The following ZFHX2 variants were observed in gnomAD, a reference collection of about 807,000 sequenced individuals.
The protein encoded by ZFHX2 is zinc finger homeobox protein 2.
Under a neutral mutation model 164.8 loss-of-function variants are expected in ZFHX2, and 75 were observed. The ratio of observed to expected loss-of-function variants is 0.46; its 90% confidence interval spans 0.38 to 0.55. The LOEUF (loss-of-function observed/expected upper bound fraction) is 0.55, where lower values mean the gene tolerates loss of function less well. Among genes scored for constraint, ZFHX2 ranks in the 20% least tolerant of loss-of-function variants. ZFHX2 has a pLI of 0.00. For missense variants in ZFHX2, 2,933 were observed against 3,308.0 expected (o/e 0.89, Z 2.78); for synonymous variants, 1,217 against 1,351.4 (o/e 0.90, Z 2.18).
Position 23,523,918 on chromosome 14 carries a change from C to G in ZFHX2, c.6024G>C (p.Glu2008Asp), listed in dbSNP as rs1279485774. 2 of 1,536,226 alleles carry G rather than the reference C, an allele frequency of 1.3e-6. No individual in the cohort carries two copies. The highest frequency in any genetic ancestry group is 8.7e-7 in the Non-Finnish European group (1 of 1,146,900). ...LLPPPPPSEE[E>D]GPEEPPKASP... ...AAGCTTTAGGTGGTTCCTCTGGGCC[C>G]TCTTCCTCACTGGGTGGAGGGGGAG... The change falls in exon 9 of 10, where the codon GAG becomes GAC. Residue 2008 changes from glutamate (E) to aspartate (D), a missense_variant. Coordinates refer to ENST00000419474, the MANE Select transcript of ZFHX2 (RefSeq NM_033400.3). This position sits in a 1 kb window ranked among gnomAD's most constrained non-coding sequence, Gnocchi z 4.1.
intron 7 of ZFHX2, 45 bp from the exon 8 acceptor site, chr14:23,527,018 G>T (rs367932494): frequency 6.8e-7 from 1 of 1,461,892 alleles, no homozygotes; most frequent in African/African-American, 1.4e-5. Flanking sequence ...ACCCCCCACT[G>T]CCCCTATGCC....
intron 6 of ZFHX2, chr14:23,528,480 G>T: frequency 1.8e-6 from 1 of 545,844 alleles, no homozygotes. Context: ...CCCCCACCTT[G>T]GATTTAGTTT....
intron 6 of ZFHX2, 112 bp downstream of exon 6, chr14:23,529,598 C>T: frequency 7.3e-6 from 8 of 1,100,002 alleles, no homozygotes; most frequent in Non-Finnish European, 1.1e-5. Flanking sequence ...CTGTGCTATT[C>T]TGAGTGAAAT....
intron 1 of ZFHX2, among the ~76,000 whole-genome samples, chr14:23,545,827 G>C (rs529850453): frequency 6.6e-6 from 1 of 152,344 alleles, no homozygotes; most frequent in South Asian, 2.1e-4. Context: ...ACAGAGGCTT[G>C]AGATTAGGGA....
At chr14:23,527,552 G>A in intron 7 of ZFHX2, 52 bp downstream of exon 7, 1 of 1,531,006 alleles carries the variant, frequency 6.5e-7, no homozygotes, top group Non-Finnish European at 8.8e-7. Context: ...CTCCCCTCCT[G>A]CACAGCCCTA....
chr14:23,536,621 T>A (rs1191519464), intron 1 of ZFHX2, among the ~76,000 whole-genome samples: 1 of 152,242 alleles, frequency 6.6e-6, no homozygotes, highest in Non-Finnish European at 1.5e-5. Context: ...TTTATGTTAA[T>A]CATCTCATTT....
intron 1 of ZFHX2, chr14:23,544,216 C>G (rs892678902): frequency 1.3e-5 from 2 of 150,506 alleles, no homozygotes; most frequent in Admixed American, 6.6e-5. Context: ...GATTGCACCA[C>G]TGCACTCCAG....
intron 6 of ZFHX2, 92 bp from the exon 7 acceptor site, chr14:23,527,896 C>T: frequency 1.9e-6 from 2 of 1,074,886 alleles, no homozygotes; most frequent in Non-Finnish European, 2.6e-6. Flanking sequence ...GGCCCGCCCC[C>T]ACTCCTTTTT....
rs546799241 is a variant in ZFHX2, at chr14:23,531,553, G to A, written c.2728C>T (p.Pro910Ser). The stretch of plus-strand genomic sequence containing the variant: ...GCTGCGAGTCCTTCCTCAGTGGTTG[G>A]GCCATTCTGTAGCAGCTGCAGACGC... The part of the protein sequence containing the change: ...QRRLQLLQNG[P>S]TTEEGLAALQ... The change falls in exon 4 of 10, where the codon CCA becomes TCA. Residue 910 changes from proline to serine, a missense_variant. Pro to Ser is a moderately conservative substitution (Grantham distance 74). Coordinates refer to ENST00000419474, the MANE Select transcript of ZFHX2 (RefSeq NM_033400.3). The A allele has an allele frequency of 9.9e-6, 15 of 1,522,474 alleles. No individual in the cohort carries two copies. Among genetic ancestry groups the A allele is most frequent in the Non-Finnish European group, 1.2e-5 (14 of 1,138,410 alleles). 94.3% of individuals were successfully genotyped at this position (1,522,474 alleles called of 1,614,324 possible). A position where few individuals can be genotyped will look rare whatever the true frequency, so the allele number is the denominator to read the frequency against.
At chr14:23,528,662 G>A in intron 6 of ZFHX2, 1 of 985,302 alleles carries the variant, frequency 1.0e-6, no homozygotes, top group South Asian at 4.7e-5. Context: ...TCCTCCCTCA[G>A]GCTCAGCAGC....
chr14:23,534,205 C>A lies in ZFHX2; in HGVS notation c.1121G>T (p.Trp374Leu). 1 of 1,488,546 alleles carries A rather than the reference C, an allele frequency of 6.7e-7. No homozygotes were observed. Among genetic ancestry groups the A allele is most frequent in the Non-Finnish European group, 8.9e-7 (1 of 1,122,968 alleles). 92.2% of individuals were successfully genotyped at this position (1,488,546 alleles called of 1,614,324 possible). The change falls in exon 2 of 10, where the codon TGG becomes TTG. Residue 374 changes from tryptophan (W) to leucine (L), a missense_variant. By Grantham distance (61) the Trp-to-Leu change is moderately conservative (BLOSUM62 -2). Coordinates refer to ENST00000419474, the MANE Select transcript of ZFHX2 (RefSeq NM_033400.3). The surrounding 1 kb of genome is among the most constrained non-coding windows in gnomAD (Gnocchi z 4.5). The part of the protein sequence containing the change: ...PVAAGEAGPD[W>L]FPEGQEEDGG... ...ATCCTCTTCTTGCCCCTCAGGGAAC[C>A]AATCTGGCCCTGCCTCGCCTGCTGC... is the stretch of plus-strand genomic sequence containing the variant.
rs1223127123 is a variant in ZFHX2, at chr14:23,524,983, A to T, written c.4959T>A (p.Asn1653Lys). 2.0e-6 allele frequency: 3 copies of T among 1,536,122 alleles called. No homozygotes were observed. In the Admixed American group the frequency reaches 5.9e-5, roughly 30 times the overall value. Reference protein sequence around the residue: ...FQNARQKARKNACEGGSMPTG... With the variant: ...FQNARQKARKKACEGGSMPTG... ...TTGGCATGGACCCACCCTCACAGGCATTTTTGCGTGCTTTCTGGCGGGCAT... is the reference window on the plus strand; with the variant it reads ...TTGGCATGGACCCACCCTCACAGGCTTTTTTGCGTGCTTTCTGGCGGGCAT... Residue 1653 changes from asparagine (N) to lysine (K), a missense_variant, in exon 9 of 10, where the codon AAT becomes AAA. Transcript: ENST00000419474. The surrounding 1 kb of genome is among the most constrained non-coding windows in gnomAD (Gnocchi z 5.6).
chr14:23,549,410 G>A (rs1881735496), intron 1 of ZFHX2, among the ~76,000 whole-genome samples: 1 of 152,072 alleles, frequency 6.6e-6, no homozygotes, highest in Non-Finnish European at 1.5e-5. Context: ...CCTGAGGTTT[G>A]GAAAAACAAT....
intron 1 of ZFHX2, chr14:23,543,803 A>G (rs1324395726): frequency 1.3e-5 from 2 of 152,220 alleles, no homozygotes; most frequent in Non-Finnish European, 2.9e-5. Context: ...GAACTTCATC[A>G]GACAAGCACT....
Position 23,524,177 on chromosome 14 carries a change from C to A in ZFHX2, c.5765G>T (p.Gly1922Val), listed in dbSNP as rs960461949. The A allele has an allele frequency of 2.6e-6, 4 of 1,536,118 alleles. No homozygotes were observed. The highest frequency in any genetic ancestry group is 1.7e-4 in the Middle Eastern group (1 of 5,990). Residue 1922 changes from glycine (G) to valine (V), a missense_variant, in exon 9 of 10, where the codon GGG becomes GTG. Gly to Val is a moderately radical substitution (Grantham distance 109). Transcript: ENST00000419474. This position sits in a 1 kb window ranked among gnomAD's most constrained non-coding sequence, Gnocchi z 5.6. ...ERKGQFRSTP[G>V]GVPSPAVKPP... ...TTTCACTGCTGGACTAGGCACCCCC[C>A]CAGGGGTGCTTCGAAACTGGCCTTT...
intron 4 of ZFHX2, chr14:23,530,807 C>T (rs956565745): frequency 6.9e-5 from 17 of 246,470 alleles, no homozygotes; most frequent in Non-Finnish European, 1.2e-4. Context: ...GTCAATGCTG[C>T]GTGTTCCTGG....
rs896177261 is a variant in ZFHX2, at chr14:23,530,459, G to A, written c.2801-265C>T. ...GTCCTTTTATAGAAGTCCAGCAGTA[G>A]ACAGCAGAAACAAGACCAAACTCAG... On this transcript the variant is annotated intron_variant, in intron 4 of 9. Transcript: ENST00000419474. 4.6e-5 allele frequency: 30 copies of A among 648,920 alleles called. No individual in the cohort carries two copies. In the African/African-American group the frequency reaches 5.4e-4, roughly 12 times the overall value. 40.2% of individuals were successfully genotyped at this position (648,920 alleles called of 1,614,324 possible).
chr14:23,534,869 G>C lies in ZFHX2; in HGVS notation c.457C>G (p.Pro153Ala), dbSNP rs1595166125. The C allele has an allele frequency of 6.5e-7, 1 of 1,536,134 alleles. No homozygotes were observed. Among genetic ancestry groups the C allele is most frequent in the Non-Finnish European group, 8.7e-7 (1 of 1,146,900 alleles). Residue 153 changes from proline (P) to alanine (A), a missense_variant, in exon 2 of 10, where the codon CCC (proline) becomes GCC (alanine). Pro to Ala is a conservative substitution (Grantham distance 27). Transcript: ENST00000419474. The surrounding 1 kb of genome is among the most constrained non-coding windows in gnomAD (Gnocchi z 4.5). ...GGGTAGGCAAGGAAGGGCAGACTGG[G>C]CTCTTCCTTGATGCCCGCCTCACCC... ...PWGEAGIKEE[P>A]SLPFLAYPPP... is the part of the protein sequence containing the mutation.
chr14:23,528,022 C>G (rs1246909314), intron 6 of ZFHX2, among the ~76,000 whole-genome samples: 1 of 151,882 alleles, frequency 6.6e-6, no homozygotes, highest in African/African-American at 2.4e-5. Flanking sequence ...TTCTCCTGCC[C>G]TCAGCCTCCC....
Sources: gnomAD v4.1 joint callset for allele counts (sites outside exome capture counted in the v4.1 genomes callset) on GRCh38, gnomAD v4.1.1 for gene constraint, Gnocchi (gnomAD v3.1) non-coding constraint, MANE v1.5 for transcripts, NCBI Gene and HGNC (gene_info 2026-07-23, HGNC 2026-07-21) for gene names.